Variants in DCAF8L2 observed in about 807,000 individuals in gnomAD.
DCAF8L2 encodes DDB1 and CUL4 associated factor 8 like 2.
For missense variants in DCAF8L2, 430 were observed against 490.7 expected (o/e 0.88, Z 1.17); for synonymous variants, 200 against 190.9 (o/e 1.05, Z -0.39).
intron 1 of DCAF8L2, among the ~76,000 whole-genome samples, chrX:27,599,694 A>G (rs756286272): frequency 2.2e-4 from 24 of 111,339 alleles, no homozygotes; most frequent in Non-Finnish European, 3.2e-4. Context: ...GGACAGCTCA[A>G]TACTTGAATT....
chrX:27,510,317 A>G, the DCAF8L2 span, among the ~76,000 whole-genome samples: 4 of 110,150 alleles, frequency 3.6e-5, no homozygotes, highest in Non-Finnish European at 7.6e-5. Context: ...TGTAAATTTC[A>G]AATTTAGCAT....
the DCAF8L2 span, among the ~76,000 whole-genome samples, chrX:27,514,668 C>CAAAA: frequency 7.3e-3 from 18 of 2,482 alleles, no homozygotes; most frequent in Non-Finnish European, 9.1e-3. Flanking sequence ...GACTCCGTCT[C>CAAAA]AAAAAAAAAA....
At chrX:27,515,140 T>C in the DCAF8L2 span, among the ~76,000 whole-genome samples, 2 of 112,078 alleles carry the variant, frequency 1.8e-5, no homozygotes, top group Non-Finnish European at 3.8e-5. Flanking sequence ...CTGTACACCA[T>C]AAATATTTAC....
chrX:27,497,509 T>TTTCTTTCTTTCCTTCCTTCCTTCC, the DCAF8L2 span, among the ~76,000 whole-genome samples: 1 of 46,528 alleles, frequency 2.1e-5, no homozygotes, highest in Non-Finnish European at 3.8e-5. Context: ...TCTTTCTTTC[T>TTTCTTTCTTTCCTTCCTTCCTTCC]TTCCTTCCTT....
chrX:27,735,119 CAAAT>C (rs1042185973), intron 4 of DCAF8L2, among the ~76,000 whole-genome samples: 9 of 111,616 alleles, frequency 8.1e-5, no homozygotes, highest in African/African-American at 2.9e-4. Flanking sequence ...AAGAGAAAAA[CAAAT>C]AGAGTAATTA....
intron 2 of DCAF8L2, among the ~76,000 whole-genome samples, chrX:27,675,947 A>C (rs763094555): frequency 6.2e-5 from 7 of 112,354 alleles, no homozygotes; most frequent in South Asian, 7.3e-4. Flanking sequence ...ACTTGCAAAG[A>C]TCTCTGGCTA....
In DCAF8L2 at chrX:27,607,536, A is replaced by C. The variant is rs745899535; in HGVS notation, c.-342+17096A>C. On this transcript the variant is annotated intron_variant, in intron 1 of 4. Coordinates refer to ENST00000451261, the MANE Select transcript of DCAF8L2 (RefSeq NM_001353450.2). ...AGTCTCTTAAACAAGATCTATGACT[A>C]TTTAACAGAGAATTATTTAATCTCC... 8.3e-4 allele frequency among the ~76,000 whole-genome samples: 92 copies of C among 111,506 alleles called. 2 individuals carry two copies. The highest frequency in any genetic ancestry group is 1.3e-3 in the Non-Finnish European group (69 of 53,113).
chrX:27,478,513 A>T, the DCAF8L2 span, among the ~76,000 whole-genome samples: 1 of 112,245 alleles, frequency 8.9e-6, no homozygotes, highest in South Asian at 3.7e-4. Context: ...ATAATTCATA[A>T]GCTAATGAGT....
intron 2 of DCAF8L2, among the ~76,000 whole-genome samples, chrX:27,656,108 T>C (rs761516920): frequency 2.7e-5 from 3 of 111,486 alleles, no homozygotes; most frequent in African/African-American, 9.8e-5. Flanking sequence ...GAGGGAGATA[T>C]GTATTTGAAG....
At chrX:27,535,680 T>C in the DCAF8L2 span, among the ~76,000 whole-genome samples, 1 of 112,042 alleles carries the variant, frequency 8.9e-6, no homozygotes, top group Non-Finnish European at 1.9e-5. Context: ...TATACTGTTG[T>C]ATGTTCTGCT....
At chrX:27,709,854 A>T (rs748327671) in intron 3 of DCAF8L2, among the ~76,000 whole-genome samples, 23 of 109,461 alleles carry the variant, frequency 2.1e-4, no homozygotes, top group Admixed American at 1.9e-3. Context: ...TCAAAAAGCA[A>T]AAGATTAAAT....
intron 1 of DCAF8L2, among the ~76,000 whole-genome samples, chrX:27,625,535 T>C (rs1310265940): frequency 1.8e-5 from 2 of 112,174 alleles, no homozygotes; most frequent in Non-Finnish European, 3.8e-5. Context: ...ATATAAATTG[T>C]TCTATCATAA....
chrX:27,675,051 T>G (rs1016375063), intron 2 of DCAF8L2, among the ~76,000 whole-genome samples: 21 of 112,218 alleles, frequency 1.9e-4, no homozygotes, highest in African/African-American at 6.5e-4. Flanking sequence ...CAAGTAATTT[T>G]TTTTATCATT....
the DCAF8L2 span, among the ~76,000 whole-genome samples, chrX:27,510,883 A>T: frequency 1.8e-5 from 2 of 111,664 alleles, no homozygotes; most frequent in Non-Finnish European, 3.8e-5. Flanking sequence ...TTCATAGAAT[A>T]TTATACTTCA....
At chrX:27,564,954 T>C in the DCAF8L2 span, among the ~76,000 whole-genome samples, 1 of 109,989 alleles carries the variant, frequency 9.1e-6, no homozygotes, top group Non-Finnish European at 1.9e-5. Context: ...ACTGGGATTA[T>C]AGGCATTAGG....
intron 3 of DCAF8L2, among the ~76,000 whole-genome samples, chrX:27,692,216 T>G (rs1930737373): frequency 8.9e-6 from 1 of 111,948 alleles, no homozygotes; most frequent in African/African-American, 3.2e-5. Flanking sequence ...TCATTGAAGA[T>G]GTTACATTCA....
the DCAF8L2 span, among the ~76,000 whole-genome samples, chrX:27,535,722 C>T: frequency 8.9e-6 from 1 of 111,769 alleles, no homozygotes; most frequent in Non-Finnish European, 1.9e-5. Flanking sequence ...CATGTATTTA[C>T]TATAAAGCAA....
chrX:27,616,685 G>T (rs1927494683), intron 1 of DCAF8L2, among the ~76,000 whole-genome samples: 1 of 111,219 alleles, frequency 9.0e-6, no homozygotes, highest in African/African-American at 3.3e-5. Context: ...TAAGGCGGAA[G>T]GAATTGCTGC....
chrX:27,548,851 C>A, the DCAF8L2 span, among the ~76,000 whole-genome samples: 4 of 111,897 alleles, frequency 3.6e-5, no homozygotes, highest in African/African-American at 1.3e-4. Flanking sequence ...CATCAGGAAG[C>A]TATGGTCATG....
Sources: gnomAD v4.1 joint callset for allele counts (sites outside exome capture counted in the v4.1 genomes callset) on GRCh38, gnomAD v4.1.1 for gene constraint, MANE v1.5 for transcripts, NCBI Gene and HGNC (gene_info 2026-07-23, HGNC 2026-07-21) for gene names.